The following GRIP1 variants were observed in gnomAD, a reference collection of about 807,000 sequenced individuals.
GRIP1 encodes the protein glutamate receptor interacting protein 1.
GRIP1 carries 45 observed loss-of-function variants against 129.9 expected under a neutral mutation model. The observed-to-expected ratio is 0.35, with a 90% CI of 0.27 to 0.44. The LOEUF is 0.44. GRIP1 is among the 20% of genes least tolerant of loss of function. The pLI, the probability that GRIP1 is intolerant of heterozygous loss-of-function variation, is 1.00. For synonymous variants in GRIP1, 530 were observed against 520.8 expected (o/e 1.02, Z -0.24); for missense variants, 1,196 against 1,396.8 (o/e 0.86, Z 2.29).
chr12:66,531,083 A>G (rs1338445883), intron 4 of GRIP1, among the ~76,000 whole-genome samples: 1 of 151,634 alleles, frequency 6.6e-6, no homozygotes, highest in Non-Finnish European at 1.5e-5. Flanking sequence ...AAAAATGCAA[A>G]AATCAGCTGG....
At chr12:66,391,798 C>G (rs1171260284) in intron 19 of GRIP1, among the ~76,000 whole-genome samples, 1 of 152,016 alleles carries the variant, frequency 6.6e-6, no homozygotes, top group Non-Finnish European at 1.5e-5. Flanking sequence ...CTATAATGAA[C>G]TATGATGGTG....
chr12:66,642,954 A>C (rs556762399), intron 1 of GRIP1, among the ~76,000 whole-genome samples: 1 of 152,340 alleles, frequency 6.6e-6, no homozygotes, highest in African/African-American at 2.4e-5. Flanking sequence ...GGCTTTGACC[A>C]TATGTAATAA....
intron 13 of GRIP1, among the ~76,000 whole-genome samples, chr12:66,437,237 C>T (rs1457881523): frequency 2.0e-5 from 3 of 152,252 alleles, no homozygotes; most frequent in Middle Eastern, 6.8e-3. Context: ...CCAGTGATTC[C>T]CCACCAATGT....
intron 1 of GRIP1, among the ~76,000 whole-genome samples, chr12:66,822,010 G>C (rs11176437): frequency 0.17 from 25,213 of 151,896 alleles, 2,741 homozygotes; most frequent in African/African-American, 0.29. Context: ...TTGTGTGTGT[G>C]TGTGTGTGTG....
chr12:66,385,349 A>G (rs538619961), intron 19 of GRIP1, among the ~76,000 whole-genome samples: 223 of 152,206 alleles, frequency 1.5e-3, no homozygotes, highest in Non-Finnish European at 2.7e-3. Context: ...CAGCCTGGAC[A>G]ACATGGCGAA....
intron 1 of GRIP1, among the ~76,000 whole-genome samples, chr12:66,710,324 T>C (rs969933565): frequency 6.6e-6 from 1 of 151,976 alleles, no homozygotes; most frequent in Non-Finnish European, 1.5e-5. Context: ...AAATAATAAA[T>C]AGTCTCTTTA....
At chr12:66,527,565 C>G (rs1420371252) in intron 5 of GRIP1, among the ~76,000 whole-genome samples, 1 of 151,818 alleles carries the variant, frequency 6.6e-6, no homozygotes, top group Non-Finnish European at 1.5e-5. Context: ...AGGAGATATA[C>G]CTAATGCTAA....
chr12:66,754,558 C>G (rs1414659926), intron 1 of GRIP1, among the ~76,000 whole-genome samples: 1 of 152,156 alleles, frequency 6.6e-6, no homozygotes, highest in Non-Finnish European at 1.5e-5. Flanking sequence ...TGACTCCTAG[C>G]AAGGGCAGAG....
At chr12:66,765,276 C>T (rs2037599858) in intron 1 of GRIP1, among the ~76,000 whole-genome samples, 1 of 152,172 alleles carries the variant, frequency 6.6e-6, no homozygotes, top group South Asian at 2.1e-4. Flanking sequence ...GCACCCACTG[C>T]AGGAAGCATA....
chr12:66,730,921 T>C (rs536799396), intron 1 of GRIP1, among the ~76,000 whole-genome samples: 3 of 152,344 alleles, frequency 2.0e-5, no homozygotes, highest in Admixed American at 6.5e-5. Context: ...CAATAGAATA[T>C]TCTGTATTCT....
At chr12:66,979,809 G>C (rs569246837) in intron 1 of GRIP1, among the ~76,000 whole-genome samples, 2 of 152,252 alleles carry the variant, frequency 1.3e-5, no homozygotes, top group East Asian at 3.9e-4. Flanking sequence ...AAACTGCAGT[G>C]ATTCAGCTGC....
intron 19 of GRIP1, among the ~76,000 whole-genome samples, chr12:66,384,599 T>G (rs184556476): frequency 1.3e-5 from 2 of 152,328 alleles, no homozygotes; most frequent in Admixed American, 1.3e-4. Context: ...TTTTTTGGTT[T>G]AAGGGAGTGG....
intron 13 of GRIP1, 113 bp downstream of exon 13, chr12:66,444,471 C>A (rs571507594): frequency 1.6e-5 from 14 of 863,096 alleles, no homozygotes; most frequent in South Asian, 9.0e-5. Flanking sequence ...CCAGCCTGGG[C>A]GACAGAGCGA....
chr12:66,994,693 G>A (rs929713299), intron 1 of GRIP1, among the ~76,000 whole-genome samples: 50 of 151,988 alleles, frequency 3.3e-4, no homozygotes, highest in African/African-American at 1.1e-3. Flanking sequence ...TGAACGAAAT[G>A]AACAAAGATC....
rs146630595 is a variant in GRIP1 at position 66,727,714 on chromosome 12, C to T, written c.-420+76339G>A. Among the ~76,000 whole-genome samples the T allele has an allele frequency of 1.9e-3, 284 of 151,952 alleles. 1 individual carries two copies. The highest frequency in any genetic ancestry group is 6.6e-3 in the African/African-American group (274 of 41,420). On this transcript the variant is annotated intron_variant, in intron 1 of 4. Transcript: ENST00000538373. ...AATTCTTCATTCTTTAAACACATAG[C>T]CTTTTGAAAGAAGGTAGAAAAAGAC...
At chr12:66,501,903 G>GAATGC (rs2060403795) in intron 7 of GRIP1, among the ~76,000 whole-genome samples, 1 of 152,192 alleles carries the variant, frequency 6.6e-6, no homozygotes, top group Non-Finnish European at 1.5e-5. Context: ...CCTACTGTGA[G>GAATGC]AATGCTGGGA....
At chr12:66,551,926 G>C (rs1411678794) in intron 2 of GRIP1, among the ~76,000 whole-genome samples, 2 of 152,130 alleles carry the variant, frequency 1.3e-5, no homozygotes, top group African/African-American at 4.8e-5. Context: ...TGAAAATCCA[G>C]AACTACTGTG....
chr12:67,028,419 A>AT (rs2042970943), intron 1 of GRIP1, among the ~76,000 whole-genome samples: 1 of 152,182 alleles, frequency 6.6e-6, no homozygotes. Flanking sequence ...TCATGAGCAT[A>AT]TTTTGGATTG....
intron 5 of GRIP1, among the ~76,000 whole-genome samples, chr12:66,527,267 G>C (rs1407491232): frequency 2.6e-5 from 4 of 151,296 alleles, no homozygotes; most frequent in African/African-American, 9.8e-5. Context: ...CAAAGACTTG[G>C]AACCAACCCA....
Sources: gnomAD v4.1 joint callset for allele counts (sites outside exome capture counted in the v4.1 genomes callset) on GRCh38, gnomAD v4.1.1 for gene constraint, MANE v1.5 for transcripts, NCBI Gene and HGNC (gene_info 2026-07-23, HGNC 2026-07-21) for gene names.